PDE7B: variants seen among roughly 807,000 people sequenced by gnomAD.
PDE7B encodes the protein 3',5'-cyclic-AMP phosphodiesterase 7B.
Under a neutral mutation model 56.2 loss-of-function variants are expected in PDE7B, and 29 were observed. That is an observed-to-expected ratio of 0.52 (90% CI 0.38 to 0.70). The LOEUF is 0.70. PDE7B is among the 30% of genes least tolerant of loss of function. PDE7B has a pLI of 0.00. For synonymous variants in PDE7B, 197 were observed against 196.9 expected, an observed-to-expected ratio of 1.00 and a Z score of 0.00; for missense variants, 490 against 565.0, an observed-to-expected ratio of 0.87 and a Z score of 1.35.
Position 135,917,417 on chromosome 6 carries a change from A to C in PDE7B, c.22-30047A>C, listed in dbSNP as rs75449442. Among the ~76,000 whole-genome samples the C allele has an allele frequency of 1.5e-3, 231 of 151,956 alleles. 1 individual carries two copies. Among genetic ancestry groups the C allele is most frequent in the Non-Finnish European group, 2.7e-3 (183 of 67,956 alleles). On this transcript the variant is annotated intron_variant, in intron 1 of 12. Transcript: ENST00000308191. ...ATGAATTTTTAACGTAGGATATTAT[A>C]TTTTTTAATTCTAAAAGTTTCATGT...
At chr6:135,859,844 A>C (rs944846857) in intron 1 of PDE7B, among the ~76,000 whole-genome samples, 4 of 152,006 alleles carry the variant, frequency 2.6e-5, no homozygotes, top group Non-Finnish European at 1.5e-5. Context: ...AAATACATCT[A>C]TTGGATTAAA....
intron 6 of PDE7B, among the ~76,000 whole-genome samples, chr6:136,153,151 C>A (rs899346307): frequency 7.9e-5 from 12 of 152,128 alleles, no homozygotes; most frequent in Non-Finnish European, 1.6e-4. Flanking sequence ...AAGAAATGGC[C>A]ATGCATAGGG....
rs1039886003 is a variant in PDE7B at position 136,065,347 on chromosome 6, T to G, written c.83-43384T>G. Among the ~76,000 whole-genome samples the G allele has an allele frequency of 5.3e-5, 8 of 152,336 alleles. No homozygotes were observed. The East Asian group carries it at 1.5e-3, about 29-fold the overall frequency. Reference sequence around the variant, plus strand: ...ATATAAAAAAACTGAAATTGTCATCTTTTTTCCTCATCTGAGAAGTCATAC... The same window carrying G: ...ATATAAAAAAACTGAAATTGTCATCGTTTTTCCTCATCTGAGAAGTCATAC... On this transcript the variant is annotated intron_variant, in intron 2 of 12. Transcript: ENST00000308191.
chr6:135,885,273 A>G (rs1423573336), intron 1 of PDE7B, among the ~76,000 whole-genome samples: 1 of 151,798 alleles, frequency 6.6e-6, no homozygotes, highest in African/African-American at 2.4e-5. Context: ...TGCCTTGAAA[A>G]TGTGGGGAGG....
At chr6:135,868,333 C>T (rs1040929665) in intron 1 of PDE7B, among the ~76,000 whole-genome samples, 7 of 152,292 alleles carry the variant, frequency 4.6e-5, no homozygotes, top group African/African-American at 1.4e-4. Flanking sequence ...CACCTCTGGT[C>T]GAGCTAATGG....
chr6:136,096,057 A>C (rs540150762), intron 2 of PDE7B: 4 of 152,164 alleles, frequency 2.6e-5, no homozygotes, highest in Non-Finnish European at 5.9e-5. Flanking sequence ...CAACACTTGG[A>C]GTTTAAAAGA....
intron 2 of PDE7B, among the ~76,000 whole-genome samples, chr6:136,018,056 C>T (rs902029280): frequency 6.6e-6 from 1 of 152,108 alleles, no homozygotes. Context: ...ATTTCAATAG[C>T]GTCAAACAGT....
chr6:136,055,991 A>G (rs981953130), intron 2 of PDE7B, among the ~76,000 whole-genome samples: 1 of 152,232 alleles, frequency 6.6e-6, no homozygotes, highest in African/African-American at 2.4e-5. Flanking sequence ...TTTCCAAAGT[A>G]ACACCGGCTT....
intron 1 of PDE7B, among the ~76,000 whole-genome samples, chr6:135,860,974 G>A (rs533125310): frequency 1.3e-5 from 2 of 151,754 alleles, no homozygotes; most frequent in Non-Finnish European, 3.0e-5. Flanking sequence ...TACATGTTTG[G>A]CACCTGAGGA....
chr6:136,057,929 G>A (rs1776766493), intron 2 of PDE7B, among the ~76,000 whole-genome samples: 1 of 152,076 alleles, frequency 6.6e-6, no homozygotes, highest in Admixed American at 6.6e-5. Context: ...TAGAGACGGG[G>A]TTTCACCATG....
At chr6:135,924,325 T>C (rs1282078301) in intron 1 of PDE7B, among the ~76,000 whole-genome samples, 1 of 152,196 alleles carries the variant, frequency 6.6e-6, no homozygotes, top group Non-Finnish European at 1.5e-5. Context: ...TATTGTACCA[T>C]ATGGTAGAGC....
At chr6:136,117,843 G>A (rs930352138) in intron 3 of PDE7B, among the ~76,000 whole-genome samples, 1 of 152,138 alleles carries the variant, frequency 6.6e-6, no homozygotes, top group Non-Finnish European at 1.5e-5. Flanking sequence ...AACCACGGCT[G>A]CCTCTCTGCC....
chr6:135,936,948 AATCT>A (rs1774431457), intron 1 of PDE7B, among the ~76,000 whole-genome samples: 2 of 152,344 alleles, frequency 1.3e-5, no homozygotes, highest in African/African-American at 2.4e-5. Flanking sequence ...AATCTAAAGA[AATCT>A]ATCTGATTGT....
At chr6:136,114,900 A>C (rs1777806766) in intron 3 of PDE7B, 2 of 152,214 alleles carry the variant, frequency 1.3e-5, no homozygotes, top group South Asian at 2.1e-4. Flanking sequence ...ATGATGGTGC[A>C]CTCAGGGCTT....
At chr6:136,131,813 TTGCTA>T (rs901491229) in intron 3 of PDE7B, among the ~76,000 whole-genome samples, 24 of 152,270 alleles carry the variant, frequency 1.6e-4, no homozygotes, top group Admixed American at 1.6e-3. Flanking sequence ...CTTCCAACCT[TTGCTA>T]TGAAGTTATT....
chr6:136,139,701 T>C (rs1778283689), intron 3 of PDE7B, among the ~76,000 whole-genome samples: 1 of 152,220 alleles, frequency 6.6e-6, no homozygotes, highest in South Asian at 2.1e-4. Flanking sequence ...GGTTTTGATT[T>C]GCATTTCTCT....
intron 4 of PDE7B, 119 bp downstream of exon 4, chr6:136,147,621 A>G (rs2059125984): frequency 1.4e-6 from 1 of 692,146 alleles, no homozygotes; most frequent in Admixed American, 2.6e-5. Context: ...CCCTGAGCTC[A>G]TTATTCCATA....
chr6:136,089,177 A>G (rs903831418), intron 2 of PDE7B, among the ~76,000 whole-genome samples: 1 of 152,194 alleles, frequency 6.6e-6, no homozygotes, highest in African/African-American at 2.4e-5. Context: ...CTTGTGAATT[A>G]TTGTTCAGAG....
intron 8 of PDE7B, among the ~76,000 whole-genome samples, chr6:136,158,867 T>A (rs915538448): frequency 3.3e-5 from 5 of 152,200 alleles, no homozygotes; most frequent in African/African-American, 1.2e-4. Context: ...CACATACAAA[T>A]TTAATGGTGG....
Sources: allele counts gnomAD v4.1 joint callset (sites outside exome capture counted in the v4.1 genomes callset), GRCh38; gene constraint gnomAD v4.1.1; transcripts MANE v1.5; gene names NCBI Gene and HGNC (gene_info 2026-07-23, HGNC 2026-07-21).